XKRX: variants seen among roughly 807,000 people sequenced by gnomAD.
XKRX encodes XK related X-linked, also known as XK-related protein 2.
In XKRX, 11 loss-of-function variants were observed where a neutral mutation model predicts 22.4. The ratio of observed to expected loss-of-function variants is 0.49; its 90% CI spans 0.31 to 0.81. XKRX has a LOEUF of 0.81. XKRX is among the 40% of genes least tolerant of loss of function. The probability of loss-of-function intolerance (pLI) is 0.05; values close to 1 mark genes in which losing one functional copy is unlikely to be tolerated. For missense variants in XKRX, 320 were observed against 336.5 expected (o/e 0.95, Z 0.38); for synonymous variants, 114 against 132.2 (o/e 0.86, Z 0.94).
At chrX:100,934,052 A>C (rs1431996489), upstream of XKRX, among the ~76,000 whole-genome samples, 1 of 111,196 alleles carries the variant, frequency 9.0e-6, no homozygotes, top group Non-Finnish European at 1.9e-5. Flanking sequence ...TCCTCGCAGC[A>C]CTAGGCAACC....
chrX:100,914,462 C>T lies in XKRX; in HGVS notation c.1226G>A (p.Arg409His), dbSNP rs138995263. The T allele has an allele frequency of 4.2e-3, 5,060 of 1,210,144 alleles. 16 individuals are homozygous for T. The highest frequency in any genetic ancestry group is 0.011 in the Middle Eastern group (48 of 4,352). Reference sequence around the variant, plus strand: ...TACTACATTATGGGTGAAGAGTGAGCGCAATGGATGCAAGTACTGGAAGAA... The same window carrying T: ...TACTACATTATGGGTGAAGAGTGAGTGCAATGGATGCAAGTACTGGAAGAA... ...LLFFQYLHPL[R>H]SLFTHNVVDY... The change falls in exon 3 of 3, where the codon CGC becomes CAC. Residue 409 changes from arginine (R) to histidine (H), a missense_variant. Coordinates refer to ENST00000372956, the MANE Select transcript of XKRX (RefSeq NM_212559.3).
At chrX:100,897,384 A>G in the XKRX span, among the ~76,000 whole-genome samples, 3 of 109,768 alleles carry the variant, frequency 2.7e-5, no homozygotes, top group Non-Finnish European at 3.8e-5. Flanking sequence ...CAGGAGTTCA[A>G]GACTAGCCTG....
chrX:100,922,664 T>G (rs969278927), intron 2 of XKRX, 129 bp downstream of exon 2: 47 of 702,278 alleles, frequency 6.7e-5, no homozygotes, highest in Middle Eastern at 9.4e-4. Flanking sequence ...ATGAACAAGT[T>G]TTTAATTTTA....
the XKRX span, among the ~76,000 whole-genome samples, chrX:100,887,398 T>G: frequency 2.7e-5 from 3 of 112,641 alleles, no homozygotes; most frequent in Non-Finnish European, 5.6e-5. Flanking sequence ...AACCCTTTGT[T>G]GAAATGCTTT....
At chrX:100,891,389 C>T in the XKRX span, among the ~76,000 whole-genome samples, 2 of 110,237 alleles carry the variant, frequency 1.8e-5, no homozygotes, top group Non-Finnish European at 3.8e-5. Flanking sequence ...CCAAAGCCAT[C>T]CTGAACAAAA....
the XKRX span, among the ~76,000 whole-genome samples, chrX:100,900,228 T>C: frequency 3.5e-4 from 39 of 110,422 alleles, no homozygotes; most frequent in East Asian, 9.5e-3. Flanking sequence ...GTCAGGATAA[T>C]TTTTTATTTT....
chrX:100,941,743 A>T, the XKRX span, among the ~76,000 whole-genome samples: 1 of 111,658 alleles, frequency 9.0e-6, no homozygotes, highest in Non-Finnish European at 1.9e-5. Context: ...TTCTCCCTAT[A>T]AACATTGCTT....
At chrX:100,897,756 T>C in the XKRX span, among the ~76,000 whole-genome samples, 1 of 104,383 alleles carries the variant, frequency 9.6e-6, no homozygotes, top group African/African-American at 3.5e-5. Flanking sequence ...CATTTCCCAC[T>C]GAAGGAGTCA....
rs774405920 is a variant in XKRX, at chrX:100,922,842, G to A, written c.555C>T (p.Thr185=). 5.0e-6 allele frequency: 6 copies of A among 1,210,875 alleles called. No homozygotes were observed. The South Asian group carries it at 1.1e-4, about 21-fold the overall frequency. Residue 185 remains threonine, a synonymous_variant, in exon 2 of 3, where the codon ACC becomes ACT. Coordinates refer to ENST00000372956, the MANE Select transcript of XKRX (RefSeq NM_212559.3). ...AGATCAGGCTCACATAGAGCTGATAGGTCAGCTGGGGCACTGAGCCCAGGA... is the reference window on the plus strand; with the variant it reads ...AGATCAGGCTCACATAGAGCTGATAAGTCAGCTGGGGCACTGAGCCCAGGA... ...QAFLGSVPQL[T]YQLYVSLISA... is the part of the protein sequence containing the mutation.
the XKRX span, among the ~76,000 whole-genome samples, chrX:100,936,540 C>CAAAAAAAAAAAAAAAAAAA: frequency 3.1e-4 from 8 of 25,397 alleles, no homozygotes; most frequent in Non-Finnish European, 4.9e-4. Flanking sequence ...GACTCTGTCT[C>CAAAAAAAAAAAAAAAAAAA]AAAAAAAAAA....
chrX:100,930,287 TTAA>T (rs59300334), upstream of XKRX, among the ~76,000 whole-genome samples: 11,437 of 85,489 alleles, frequency 0.13, 730 homozygotes, highest in African/African-American at 0.24. Flanking sequence ...AGATTACGTC[TTAA>T]TAATAATAAT....
chrX:100,959,017 A>AT, the XKRX span, among the ~76,000 whole-genome samples: 697 of 111,764 alleles, frequency 6.2e-3, 3 homozygotes, highest in Non-Finnish European at 9.6e-3. Context: ...GTGTTTAGGG[A>AT]TTTTTTTAAA....
chrX:100,913,478 G>A lies in XKRX; in HGVS notation c.*860C>T, dbSNP rs1032532322. On this transcript the variant is annotated 3_prime_UTR_variant, in exon 3 of 3. Coordinates refer to ENST00000372956, the MANE Select transcript of XKRX (RefSeq NM_212559.3). Reference sequence around the variant, plus strand: ...GCAGTCTTCATTTCTTCCACACATCGGAAACATTTTCAATTACAGTTCAGC... The same window carrying A: ...GCAGTCTTCATTTCTTCCACACATCAGAAACATTTTCAATTACAGTTCAGC... 3.6e-5 allele frequency: 4 copies of A among 110,173 alleles called. No individual in the cohort carries two copies. Among genetic ancestry groups the A allele is most frequent in the African/African-American group, 1.3e-4 (4 of 30,159 alleles). 9.1% of individuals were successfully genotyped at this position (110,173 alleles called of 1,213,427 possible). A position where few individuals can be genotyped will look rare whatever the true frequency, so the allele number is the denominator to read the frequency against.
chrX:100,930,186 G>T (rs1652566998), upstream of XKRX, among the ~76,000 whole-genome samples: 1 of 109,005 alleles, frequency 9.2e-6, no homozygotes, highest in Non-Finnish European at 1.9e-5. Context: ...CTACTCAGGA[G>T]GCTGAGGCAG....
the XKRX span, among the ~76,000 whole-genome samples, chrX:100,939,595 G>A: frequency 8.9e-5 from 10 of 111,768 alleles, no homozygotes; most frequent in East Asian, 8.5e-4. Flanking sequence ...GGAAGTTCAC[G>A]TATTCCCAAG....
the XKRX span, chrX:100,888,523 A>G: frequency 4.6e-6 from 3 of 657,743 alleles, no homozygotes; most frequent in Non-Finnish European, 7.4e-6. Context: ...CGGTTGTTTC[A>G]AACCTCAACT....
Position 100,914,695 on chromosome X carries a change from C to T in XKRX, c.993G>A (p.Gln331=). Residue 331 remains glutamine, a synonymous_variant, in exon 3 of 3, where the codon CAG becomes CAA. Coordinates refer to ENST00000372956, the MANE Select transcript of XKRX (RefSeq NM_212559.3). ...CGAGATCTCTGTCTGCCAACCTCAA[C>T]TGCAAAGCTGACCAGCAAGAGAAGT... The part of the protein sequence containing the change: ...GINFSCWSAL[Q]LRLADRDLVD... 2 of 1,211,924 alleles carry T rather than the reference C, an allele frequency of 1.7e-6. No homozygotes were observed. Among genetic ancestry groups the T allele is most frequent in the Non-Finnish European group, 2.2e-6 (2 of 895,624 alleles).
chrX:100,941,985 T>A, the XKRX span, among the ~76,000 whole-genome samples: 1 of 110,053 alleles, frequency 9.1e-6, no homozygotes, highest in African/African-American at 3.3e-5. Context: ...GTAGCTGGGA[T>A]TACAGGCACA....
At position 100,928,740 on chromosome X, in the gene XKRX, C is replaced by T. The variant is rs1177488341; in HGVS notation, c.-436G>A. 1.3e-6 allele frequency: 1 copy of T among 769,462 alleles called. No individual in the cohort carries two copies. Among genetic ancestry groups the T allele is most frequent in the African/African-American group, 2.3e-5 (1 of 43,682 alleles). 63.4% of individuals were successfully genotyped at this position (769,462 alleles called of 1,213,427 possible). ...GGCACCGACACTCAGCAGCTCCTCA[C>T]AAAGAGTCCTGACCAGTGTGTCCTC... On this transcript the variant is annotated 5_prime_UTR_variant, in exon 1 of 3. In the 5' UTR this introduces an upstream ATG that the reference lacks. Coordinates refer to ENST00000372956, the MANE Select transcript of XKRX (RefSeq NM_212559.3).
Sources: allele counts gnomAD v4.1 joint callset (sites outside exome capture counted in the v4.1 genomes callset), GRCh38; gene constraint gnomAD v4.1.1; transcripts MANE v1.5; gene names NCBI Gene and HGNC (gene_info 2026-07-23, HGNC 2026-07-21).